The following CT45A10 variants were observed in gnomAD, a reference collection of about 807,000 sequenced individuals.
CT45A10 encodes the protein cancer/testis antigen family 45 member A10.
Under a neutral mutation model 8.3 loss-of-function variants are expected in CT45A10, and 19 were observed. The observed-to-expected ratio is 2.30, with a 90% confidence interval of 1.61 to 3.38. The LOEUF is 3.38. CT45A10 is among the 30% of genes most tolerant of loss of function. The probability of loss-of-function intolerance (pLI) is 0.00; values close to 1 mark genes in which losing one functional copy is unlikely to be tolerated. For synonymous variants in CT45A10, 28 were observed against 26.5 expected (o/e 1.06, Z -0.17); for missense variants, 149 against 85.9 (o/e 1.73, Z -2.90).
At chrX:135,892,362 G>A (rs1283962920) in intron 1 of CT45A10, among the ~76,000 whole-genome samples, 2 of 112,140 alleles carry the variant, frequency 1.8e-5, no homozygotes, top group Non-Finnish European at 3.8e-5. Context: ...CCAAAGAGTG[G>A]CTGGAATGAA....
chrX:135,889,641 A>G (rs1213553639), intron 1 of CT45A10, among the ~76,000 whole-genome samples: 6 of 110,696 alleles, frequency 5.4e-5, no homozygotes, highest in Non-Finnish European at 7.6e-5. Flanking sequence ...ACCTGAGGTC[A>G]GGAGTCCAAG....
At chrX:135,889,191 A>G (rs781826444) in intron 1 of CT45A10, 58 of 391,919 alleles carry the variant, frequency 1.5e-4, no homozygotes, top group African/African-American at 1.4e-3. Flanking sequence ...TCTGCAGGCG[A>G]CCTTCAGTAA....
At chrX:135,889,768 C>T (rs1556589281) in intron 1 of CT45A10, among the ~76,000 whole-genome samples, 1 of 108,004 alleles carries the variant, frequency 9.3e-6, no homozygotes. Flanking sequence ...ACTCCTGCTG[C>T]CCTCCTCCCC....
At chrX:135,882,925 A>T in intron 3 of CT45A10, 83 bp downstream of exon 3, 1 of 1,106,203 alleles carries the variant, frequency 9.0e-7, no homozygotes, top group Non-Finnish European at 1.2e-6. Context: ...AATGAGCCTC[A>T]AGAGGTAACA....
chrX:135,891,482 A>G (rs1257720282), intron 1 of CT45A10, among the ~76,000 whole-genome samples: 1 of 109,161 alleles, frequency 9.2e-6, no homozygotes, highest in African/African-American at 3.3e-5. Flanking sequence ...CAGAACTACA[A>G]ATCAATTTTA....
At chrX:135,892,018 G>GAAAAAAA (rs11437506) in intron 1 of CT45A10, among the ~76,000 whole-genome samples, 1 of 98,210 alleles carries the variant, frequency 1.0e-5, no homozygotes. Flanking sequence ...AAAGTGCTCC[G>GAAAAAAA]AAAAAAAAAA....
intron 3 of CT45A10, 81 bp downstream of exon 3, chrX:135,882,927 G>C (rs1418053000): frequency 1.8e-5 from 20 of 1,102,714 alleles, no homozygotes; most frequent in East Asian, 6.0e-5. Context: ...TGAGCCTCAA[G>C]AGGTAACATG....
chrX:135,882,954 TA>T (rs1286817092), intron 3 of CT45A10, 53 bp downstream of exon 3: 1 of 1,168,761 alleles, frequency 8.6e-7, no homozygotes, highest in Non-Finnish European at 1.2e-6. Flanking sequence ...TTCTGAATCA[TA>T]GAAAGAGTGA....
At chrX:135,890,891 A>T (rs1191736133) in intron 1 of CT45A10, among the ~76,000 whole-genome samples, 1 of 112,308 alleles carries the variant, frequency 8.9e-6, no homozygotes, top group African/African-American at 3.2e-5. Flanking sequence ...TATGAGATTT[A>T]CTATAAAGGT....
chrX:135,890,570 T>TTTGAC (rs1336550779), intron 1 of CT45A10, among the ~76,000 whole-genome samples: 2 of 112,335 alleles, frequency 1.8e-5, no homozygotes, highest in African/African-American at 6.5e-5. Flanking sequence ...GGTTTTTGTT[T>TTTGAC]TTGACTTGAC....
chrX:135,891,768 TA>T (rs1556590132), intron 1 of CT45A10, among the ~76,000 whole-genome samples: 1 of 111,417 alleles, frequency 9.0e-6, no homozygotes, highest in East Asian at 2.8e-4. Context: ...TCTGTTCATC[TA>T]AAACACATTA....
chrX:135,891,409 A>G (rs1460157553), intron 1 of CT45A10, among the ~76,000 whole-genome samples: 2 of 107,628 alleles, frequency 1.9e-5, no homozygotes, highest in Non-Finnish European at 3.8e-5. Flanking sequence ...TATATAATAT[A>G]ATATTTTATA....
intron 1 of CT45A10, among the ~76,000 whole-genome samples, chrX:135,892,299 C>T (rs782123683): frequency 2.7e-5 from 3 of 112,039 alleles, no homozygotes; most frequent in Admixed American, 1.9e-4. Context: ...TGCTCAATCT[C>T]ATTAATTAGC....
At chrX:135,882,663 C>G in intron 3 of CT45A10, 34 bp from the exon 4 acceptor site, 2 of 1,149,173 alleles carry the variant, frequency 1.7e-6, no homozygotes, top group East Asian at 3.0e-5. Flanking sequence ...TCAGTATTAT[C>G]AAATATAAAG....
chrX:135,883,322 T>A, intron 2 of CT45A10, 66 bp from the exon 3 acceptor site: 1 of 1,192,530 alleles, frequency 8.4e-7, no homozygotes, highest in Non-Finnish European at 1.1e-6. Flanking sequence ...CCCCTCCACA[T>A]AAACCTCATG....
intron 1 of CT45A10, among the ~76,000 whole-genome samples, chrX:135,889,722 G>T (rs1188550619): frequency 1.8e-5 from 2 of 108,171 alleles, no homozygotes; most frequent in Non-Finnish European, 3.8e-5. Context: ...GTGGTGGCAC[G>T]CACCTGTAGT....
In CT45A10 at chrX:135,883,081, A is replaced by G; in HGVS notation, c.345T>C (p.Ser115=). 2 of 1,198,664 alleles carry G rather than the reference A, an allele frequency of 1.7e-6. No individual in the cohort carries two copies. The highest frequency in any genetic ancestry group is 2.3e-6 in the Non-Finnish European group (2 of 885,732). ...CATTAATTTCTTGTTGGCTTTTGGG[A>G]GAGGAGGCTATTCCTCTGCATTCTA... ...DDLECRGIAS[S]PKSQQEINAD... The change falls in exon 3 of 5, where the codon TCT becomes TCC. Residue 115 remains serine, a synonymous_variant. Transcript: ENST00000682849.
chrX:135,890,237 C>A (rs2088487914), intron 1 of CT45A10, among the ~76,000 whole-genome samples: 1 of 112,566 alleles, frequency 8.9e-6, no homozygotes, highest in South Asian at 3.6e-4. Flanking sequence ...TTCTTGGTTT[C>A]CTGATTAACG....
At chrX:135,893,007 C>T (rs2088523261) in intron 1 of CT45A10, among the ~76,000 whole-genome samples, 2 of 110,351 alleles carry the variant, frequency 1.8e-5, no homozygotes, top group East Asian at 2.9e-4. Flanking sequence ...CGGCCACACC[C>T]GAGGCTGACA....
Sources: allele counts gnomAD v4.1 joint callset (sites outside exome capture counted in the v4.1 genomes callset), GRCh38; gene constraint gnomAD v4.1.1; transcripts MANE v1.5; gene names NCBI Gene and HGNC (gene_info 2026-07-23, HGNC 2026-07-21).